The following IL23R variants were observed in gnomAD, a reference collection of about 807,000 sequenced individuals.
The protein encoded by IL23R is interleukin-23 receptor.
A neutral mutation model predicts 56.9 loss-of-function variants in IL23R; 34 were observed. That is an observed-to-expected ratio of 0.60 (90% CI 0.45 to 0.80). The LOEUF is 0.80. Among genes scored for constraint, IL23R ranks in the 30% least tolerant of loss-of-function variants. IL23R has a pLI of 0.00. For missense variants in IL23R, 635 were observed against 730.0 expected (o/e 0.87, Z 1.50); for synonymous variants, 230 against 249.2 (o/e 0.92, Z 0.73).
intron 9 of IL23R, among the ~76,000 whole-genome samples, chr1:67,245,007 C>A (rs1044275460): frequency 6.6e-6 from 1 of 152,066 alleles, no homozygotes; most frequent in African/African-American, 2.4e-5. Context: ...GTTTGTAGTT[C>A]TTTTTGAAGA....
chr1:67,226,046 G>A (rs1459079503), intron 7 of IL23R, among the ~76,000 whole-genome samples: 2 of 152,232 alleles, frequency 1.3e-5, no homozygotes, highest in South Asian at 2.1e-4. Flanking sequence ...CGCATATCAT[G>A]TGGCTCATCT....
chr1:67,185,380 G>C (rs1201024191), intron 4 of IL23R, among the ~76,000 whole-genome samples: 2 of 152,212 alleles, frequency 1.3e-5, no homozygotes, highest in Middle Eastern at 3.4e-3. Context: ...TTATGGAAGG[G>C]AATAACCTTC....
intron 8 of IL23R, among the ~76,000 whole-genome samples, chr1:67,238,610 C>G (rs972181454): frequency 2.6e-5 from 4 of 152,094 alleles, no homozygotes; most frequent in African/African-American, 9.7e-5. Flanking sequence ...TAATTATGCC[C>G]CAAGGTCACA....
intron 1 of IL23R, among the ~76,000 whole-genome samples, chr1:67,146,075 C>G (rs958870258): frequency 6.6e-6 from 1 of 152,166 alleles, no homozygotes; most frequent in African/African-American, 2.4e-5. Context: ...TGCCAGTCAG[C>G]ATGAACTCCC....
intron 9 of IL23R, among the ~76,000 whole-genome samples, chr1:67,254,328 C>A (rs1348225502): frequency 6.6e-6 from 1 of 151,990 alleles, no homozygotes; most frequent in Admixed American, 6.6e-5. Flanking sequence ...CTTTGCCTCC[C>A]AAAGTGTTGG....
intron 6 of IL23R, among the ~76,000 whole-genome samples, chr1:67,212,934 CGTG>C (rs1649592617): frequency 6.6e-6 from 1 of 151,766 alleles, no homozygotes; most frequent in Non-Finnish European, 1.5e-5. Context: ...AGTGCAGTGG[CGTG>C]ATCTTGGCTC....
intron 3 of IL23R, among the ~76,000 whole-genome samples, chr1:67,175,571 A>C (rs1423581334): frequency 6.6e-6 from 1 of 152,154 alleles, no homozygotes; most frequent in Admixed American, 6.5e-5. Flanking sequence ...ACCTTGTGTA[A>C]GGGGTCATGC....
intron 3 of IL23R, among the ~76,000 whole-genome samples, chr1:67,180,221 T>G (rs525927): frequency 6.6e-6 from 1 of 152,200 alleles, no homozygotes; most frequent in African/African-American, 2.4e-5. Flanking sequence ...AGTGGGGTGT[T>G]AAAGTCTCCC....
chr1:67,226,435 G>A (rs1045910970), intron 7 of IL23R, among the ~76,000 whole-genome samples: 2 of 152,162 alleles, frequency 1.3e-5, no homozygotes, highest in Admixed American at 6.5e-5. Context: ...TTCCCCTGGA[G>A]TTGGCTGTCC....
intron 7 of IL23R, among the ~76,000 whole-genome samples, chr1:67,231,256 T>C (rs1006347585): frequency 2.0e-5 from 3 of 152,208 alleles, no homozygotes; most frequent in Non-Finnish European, 4.4e-5. Flanking sequence ...ATTCCTCTTG[T>C]AGAGATCTGG....
intron 6 of IL23R, among the ~76,000 whole-genome samples, chr1:67,208,542 T>C (rs1649238700): frequency 6.6e-6 from 1 of 152,242 alleles, no homozygotes; most frequent in Non-Finnish European, 1.5e-5. Flanking sequence ...CAGCTTGGGC[T>C]GTGGCTTCAG....
rs1262424830 is a variant in IL23R, at chr1:67,168,076, C to G, written c.-29-16C>G. 7.5e-7 allele frequency: 1 copy of G among 1,324,518 alleles called. No individual in the cohort carries two copies. Among genetic ancestry groups the G allele is most frequent in the Non-Finnish European group, 1.1e-6 (1 of 917,724 alleles). The allele number at this position is 1,324,518 out of a possible 1,614,324, so 82.0% of individuals were successfully genotyped here. ...AAAATACTACAATTTAAACATTTTT[C>G]ATATTTTTTTTCCAGAGGGAAACAG... On this transcript the variant is annotated splice_polypyrimidine_tract_variant and intron_variant, in intron 1 of 10. Transcript: ENST00000347310.
chr1:67,155,999 ATTG>A (rs1215929750), intron 1 of IL23R, among the ~76,000 whole-genome samples: 1 of 151,956 alleles, frequency 6.6e-6, no homozygotes, highest in Non-Finnish European at 1.5e-5. Flanking sequence ...TTTTGTTGAT[ATTG>A]TTGTTGTTGT....
chr1:67,198,532 C>G (rs1335333302), intron 4 of IL23R, among the ~76,000 whole-genome samples: 1 of 152,208 alleles, frequency 6.6e-6, no homozygotes, highest in Admixed American at 6.5e-5. Context: ...TAATAGCCCT[C>G]TCTATTCCCC....
chr1:67,225,630 C>T (rs897310457), intron 7 of IL23R, among the ~76,000 whole-genome samples: 1 of 152,084 alleles, frequency 6.6e-6, no homozygotes, highest in Non-Finnish European at 1.5e-5. Context: ...CTGCCTCAGC[C>T]TCTCAAGTAG....
intron 7 of IL23R, among the ~76,000 whole-genome samples, chr1:67,228,098 CTTT>C (rs763699153): frequency 3.8e-5 from 2 of 52,932 alleles, no homozygotes; most frequent in African/African-American, 7.1e-5. Context: ...TTCTTTCTTT[CTTT>C]CTTTCTCTCT....
intron 1 of IL23R, among the ~76,000 whole-genome samples, chr1:67,149,425 T>TG (rs1465456331): frequency 6.6e-6 from 1 of 152,118 alleles, no homozygotes; most frequent in African/African-American, 2.4e-5. Context: ...CTCCGTGACC[T>TG]GTCTCCGCTT....
At chr1:67,160,533 C>T (rs1646809023) in intron 1 of IL23R, among the ~76,000 whole-genome samples, 1 of 152,200 alleles carries the variant, frequency 6.6e-6, no homozygotes, top group African/African-American at 2.4e-5. Flanking sequence ...GCAAACCAGA[C>T]TATCTTATTG....
At chr1:67,264,582 G>A (rs1002155774), downstream of IL23R, among the ~76,000 whole-genome samples, 3 of 152,100 alleles carry the variant, frequency 2.0e-5, no homozygotes, top group Non-Finnish European at 2.9e-5. Context: ...AACTTTCTTC[G>A]ATGCTGTAGT....
Sources: allele counts gnomAD v4.1 joint callset (sites outside exome capture counted in the v4.1 genomes callset), GRCh38; gene constraint gnomAD v4.1.1; transcripts MANE v1.5; gene names NCBI Gene and HGNC (gene_info 2026-07-23, HGNC 2026-07-21).